The following LYPD6 variants were observed in gnomAD, a reference collection of about 807,000 sequenced individuals.
The protein encoded by LYPD6 is LY6/PLAUR domain containing 6.
Under a neutral mutation model 22.7 loss-of-function variants are expected in LYPD6, and 15 were observed. That is an observed-to-expected ratio of 0.66 (90% CI 0.44 to 1.02). The LOEUF (loss-of-function observed/expected upper bound fraction) is 1.02. LYPD6 is among the 50% of genes least tolerant of loss of function. The pLI, the probability that LYPD6 is intolerant of heterozygous loss-of-function variation, is 0.00. For missense variants in LYPD6, 189 were observed against 208.4 expected (o/e 0.91, Z 0.57); for synonymous variants, 72 against 77.5 (o/e 0.93, Z 0.37).
chr2:149,426,684 C>G (rs888141009), intron 1 of LYPD6, among the ~76,000 whole-genome samples: 1 of 152,106 alleles, frequency 6.6e-6, no homozygotes, highest in African/African-American at 2.4e-5. Context: ...GGGCTTCTCT[C>G]AACACAAAGC....
chr2:149,480,500 C>T, the LYPD6 span, among the ~76,000 whole-genome samples: 1 of 139,434 alleles, frequency 7.2e-6, no homozygotes, highest in Non-Finnish European at 1.5e-5. Flanking sequence ...TAGATCAAGT[C>T]CCCTTGTTGC....
intron 1 of LYPD6, among the ~76,000 whole-genome samples, chr2:149,395,547 A>C (rs1299850017): frequency 6.7e-6 from 1 of 148,252 alleles, no homozygotes; most frequent in Non-Finnish European, 1.5e-5. Flanking sequence ...CACCTGATTA[A>C]ATTCCTTCAT....
intron 1 of LYPD6, among the ~76,000 whole-genome samples, chr2:149,349,543 CAT>C (rs1445697713): frequency 6.6e-6 from 1 of 152,180 alleles, no homozygotes; most frequent in East Asian, 1.9e-4. Context: ...GGGATTTTCT[CAT>C]GTGTGGAAGC....
intron 1 of LYPD6, among the ~76,000 whole-genome samples, chr2:149,359,807 A>C (rs757763865): frequency 6.6e-6 from 1 of 152,204 alleles, no homozygotes; most frequent in African/African-American, 2.4e-5. Flanking sequence ...ATTACTAGAA[A>C]GGGATCCCAA....
Position 149,330,740 on chromosome 2 carries a change from TC to T in LYPD6, c.-72+21del, listed in dbSNP as rs1389421542. 1 of 152,080 alleles carries T rather than the reference TC, an allele frequency of 6.6e-6. No individual in the cohort carries two copies. The highest frequency in any genetic ancestry group is 1.5e-5 in the Non-Finnish European group (1 of 68,104). The allele number at this position is 152,080 out of a possible 1,614,324, so 9.4% of individuals were successfully genotyped here. A position where few individuals can be genotyped will look rare whatever the true frequency, so the allele number is the denominator to read the frequency against. Reference sequence around the variant, plus strand: ...CAGCCCGGGTGAGTAGAGGCGGGCTTCCCGGGAGAGCACAAAAGAACAGGGG... The same window carrying T: ...CAGCCCGGGTGAGTAGAGGCGGGCTTCCGGGAGAGCACAAAAGAACAGGGG... On this transcript the variant is annotated intron_variant, in intron 1 of 4. Transcript: ENST00000334166.
chr2:149,394,654 C>G (rs1046689418), intron 1 of LYPD6, among the ~76,000 whole-genome samples: 14 of 152,106 alleles, frequency 9.2e-5, no homozygotes, highest in Non-Finnish European at 1.8e-4. Flanking sequence ...CTGTCTCTCT[C>G]TACACATGCA....
At chr2:149,336,113 A>G (rs570387504) in intron 1 of LYPD6, among the ~76,000 whole-genome samples, 10 of 152,312 alleles carry the variant, frequency 6.6e-5, no homozygotes, top group Non-Finnish European at 1.0e-4. Flanking sequence ...ACCTTTTCTT[A>G]TGAATGGGAA....
At chr2:149,436,584 G>T (rs1353556199) in intron 1 of LYPD6, among the ~76,000 whole-genome samples, 2 of 149,728 alleles carry the variant, frequency 1.3e-5, no homozygotes. Context: ...TATCAGTTTG[G>T]TTTTTTTTTT....
intron 1 of LYPD6, among the ~76,000 whole-genome samples, chr2:149,409,714 T>G (rs1483949382): frequency 1.1e-4 from 16 of 151,996 alleles, no homozygotes; most frequent in African/African-American, 3.6e-4. Context: ...TCACATAGGT[T>G]GCCAGGGAAG....
At chr2:149,449,215 G>A in intron 3 of LYPD6, 68 bp downstream of exon 3, 2 of 1,066,758 alleles carry the variant, frequency 1.9e-6, no homozygotes, top group South Asian at 1.4e-5. Flanking sequence ...TTTGACTTTG[G>A]TGATGTATAA....
chr2:149,343,544 C>G (rs766475580), intron 1 of LYPD6, among the ~76,000 whole-genome samples: 1 of 152,122 alleles, frequency 6.6e-6, no homozygotes, highest in Non-Finnish European at 1.5e-5. Flanking sequence ...AAATCATGCT[C>G]GTTAATGAAT....
At chr2:149,366,218 T>A (rs2105072617) in intron 1 of LYPD6, among the ~76,000 whole-genome samples, 1 of 152,348 alleles carries the variant, frequency 6.6e-6, no homozygotes, top group Admixed American at 6.5e-5. Flanking sequence ...ATAAGGCTTT[T>A]GTCTACTTTT....
intron 3 of LYPD6, among the ~76,000 whole-genome samples, chr2:149,467,029 A>T (rs1681216541): frequency 6.6e-6 from 1 of 152,184 alleles, no homozygotes; most frequent in Non-Finnish European, 1.5e-5. Flanking sequence ...ACTGGCCTCC[A>T]TTTGTCAAAA....
intron 1 of LYPD6, among the ~76,000 whole-genome samples, chr2:149,354,410 G>C (rs1481340035): frequency 6.6e-6 from 1 of 152,088 alleles, no homozygotes; most frequent in South Asian, 2.1e-4. Context: ...GTTTTACCAT[G>C]TTGGCCAGGC....
At chr2:149,477,417 G>A (rs1681461981), downstream of LYPD6, among the ~76,000 whole-genome samples, 1 of 152,102 alleles carries the variant, frequency 6.6e-6, no homozygotes, top group Admixed American at 6.5e-5. Flanking sequence ...GAGGTCAGGA[G>A]TTCGAGACCA....
At chr2:149,427,560 A>G (rs532530896) in intron 1 of LYPD6, among the ~76,000 whole-genome samples, 1 of 152,362 alleles carries the variant, frequency 6.6e-6, no homozygotes, top group African/African-American at 2.4e-5. Context: ...AAACAAGCAC[A>G]CAGCCAACAA....
chr2:149,364,748 G>A (rs955758613), intron 1 of LYPD6, among the ~76,000 whole-genome samples: 2 of 152,082 alleles, frequency 1.3e-5, no homozygotes, highest in Admixed American at 6.5e-5. Context: ...ACAAGAAAAA[G>A]ATACATATTA....
chr2:149,411,339 T>C (rs1219775681), intron 1 of LYPD6, among the ~76,000 whole-genome samples: 3 of 152,130 alleles, frequency 2.0e-5, no homozygotes, highest in Admixed American at 6.6e-5. Context: ...GAAGTCTTTC[T>C]CCAGACAACA....
At chr2:149,415,071 TG>T (rs1462179116) in intron 1 of LYPD6, among the ~76,000 whole-genome samples, 1 of 152,234 alleles carries the variant, frequency 6.6e-6, no homozygotes, top group Admixed American at 6.5e-5. Context: ...GAGCTGGTAG[TG>T]GGTGTTCCTT....
Sources: gnomAD v4.1 joint callset for allele counts (sites outside exome capture counted in the v4.1 genomes callset) on GRCh38, gnomAD v4.1.1 for gene constraint, MANE v1.5 for transcripts, NCBI Gene and HGNC (gene_info 2026-07-23, HGNC 2026-07-21) for gene names.